EFNB2: variants seen among roughly 807,000 people sequenced by gnomAD.
The protein encoded by EFNB2 is ephrin-B2.
In EFNB2, 5 loss-of-function variants were observed where a neutral mutation model predicts 32.1. The ratio of observed to expected loss-of-function variants is 0.16; its 90% CI spans 0.08 to 0.33. The LOEUF (loss-of-function observed/expected upper bound fraction) is 0.33. Among genes scored for constraint, EFNB2 ranks in the 10% least tolerant of loss-of-function variants. The pLI is 1.00. For missense variants in EFNB2, 263 were observed against 422.6 expected (o/e 0.62, Z 3.31); for synonymous variants, 168 against 166.5 (o/e 1.01, Z -0.07).
In EFNB2 at chr13:106,518,378, T is replaced by C. The variant is rs991013821; in HGVS notation, c.123-5566A>G. ...AGTCATTATGCAACACAATATTCTT[T>C]AATATTAATAGACTAGAACACAGCA... On this transcript the variant is annotated intron_variant, in intron 1 of 4. Coordinates refer to ENST00000646441, the MANE Select transcript of EFNB2 (RefSeq NM_004093.4). This position sits in a 1 kb window ranked among gnomAD's most constrained non-coding sequence, Gnocchi z 4.1. 1 of 152,172 alleles carries C rather than the reference T, an allele frequency of 6.6e-6. No individual in the cohort carries two copies. Among genetic ancestry groups the C allele is most frequent in the African/African-American group, 2.4e-5 (1 of 41,420 alleles). 9.4% of individuals were successfully genotyped at this position (152,172 alleles called of 1,614,324 possible).
At chr13:106,498,175 A>G (rs1878652682) in intron 2 of EFNB2, among the ~76,000 whole-genome samples, 1 of 152,172 alleles carries the variant, frequency 6.6e-6, no homozygotes, top group Non-Finnish European at 1.5e-5. Flanking sequence ...ATGAGATCTG[A>G]AGGGCAGTGC....
intron 1 of EFNB2, among the ~76,000 whole-genome samples, chr13:106,524,864 T>A (rs1439119006): frequency 1.3e-5 from 2 of 152,094 alleles, no homozygotes; most frequent in East Asian, 3.8e-4. Context: ...GACAAAAGAA[T>A]TACAAAGGGT....
At position 106,491,077 on chromosome 13, in the gene EFNB2, G is replaced by A. The variant is rs543749525; in HGVS notation, c.*1963C>T. On this transcript the variant is annotated 3_prime_UTR_variant, in exon 5 of 5. Transcript: ENST00000646441. ...TCTTGTTTCCCAGAAGGGAGGGGGT[G>A]CGGGGGAGGACAGGAGGAGGGAGCC... 1 of 152,748 alleles carries A rather than the reference G, an allele frequency of 6.5e-6. No homozygotes were observed. Among genetic ancestry groups the A allele is most frequent in the Admixed American group, 6.5e-5 (1 of 15,296 alleles). 9.5% of individuals were successfully genotyped at this position (152,748 alleles called of 1,614,324 possible).
At chr13:106,504,130 G>C (rs1001591282) in intron 2 of EFNB2, among the ~76,000 whole-genome samples, 4 of 152,194 alleles carry the variant, frequency 2.6e-5, no homozygotes, top group Non-Finnish European at 4.4e-5. Context: ...TCCTTGCCAA[G>C]ATACGAAAAG....
At position 106,493,207 on chromosome 13, in the gene EFNB2, C is replaced by T. The variant is rs1187894749; in HGVS notation, c.835G>A (p.Gly279Ser). 17 of 1,614,084 alleles carry T rather than the reference C, an allele frequency of 1.1e-5. No individual in the cohort carries two copies. Among genetic ancestry groups the T allele is most frequent in the Admixed American group, 3.3e-5 (2 of 60,006 alleles). The change falls in exon 5 of 5, where the codon GGC (glycine) becomes AGC (serine). Residue 279 changes from glycine to serine, a missense_variant. This residue lies in a region of EFNB2 where 172 missense variants were observed against 237.1 expected (regional missense o/e 0.73). Coordinates refer to ENST00000646441, the MANE Select transcript of EFNB2 (RefSeq NM_004093.4). The surrounding 1 kb of genome is among the most constrained non-coding windows in gnomAD (Gnocchi z 6.1). ...LSTLATPKRS[G>S]NNNGSEPSDI... The stretch of plus-strand genomic sequence containing the variant: ...CTGGGCTCTGAGCCGTTGTTGTTGC[C>T]GCTGCGCTTGGGTGTGGCCAGTGTG...
chr13:106,507,363 G>C (rs1332285822), intron 2 of EFNB2, among the ~76,000 whole-genome samples: 1 of 152,164 alleles, frequency 6.6e-6, no homozygotes, highest in Non-Finnish European at 1.5e-5. Context: ...CTAAAGAACA[G>C]TGCATTCAGT....
chr13:106,529,816 A>G (rs574633369), intron 1 of EFNB2, among the ~76,000 whole-genome samples: 97 of 152,346 alleles, frequency 6.4e-4, no homozygotes, highest in Middle Eastern at 6.8e-3. Flanking sequence ...CCTTTTTACT[A>G]TACTTCAATC....
intron 3 of EFNB2, 37 bp downstream of exon 3, chr13:106,495,711 G>A (rs780147694): frequency 1.3e-6 from 2 of 1,596,498 alleles, no homozygotes; most frequent in Non-Finnish European, 1.7e-6. Context: ...GCTACACCAG[G>A]TCACAGTGGC....
intron 2 of EFNB2, among the ~76,000 whole-genome samples, chr13:106,500,383 G>T (rs1878735341): frequency 6.6e-6 from 1 of 152,108 alleles, no homozygotes; most frequent in Non-Finnish European, 1.5e-5. Flanking sequence ...ACAGAATAAT[G>T]GTATCACAGT....
At chr13:106,504,054 G>A (rs1205161397) in intron 2 of EFNB2, among the ~76,000 whole-genome samples, 1 of 152,170 alleles carries the variant, frequency 6.6e-6, no homozygotes, top group Admixed American at 6.5e-5. Context: ...GTGTTTGAGT[G>A]AATTATTTCC....
At chr13:106,526,506 A>G (rs1026245295) in intron 1 of EFNB2, among the ~76,000 whole-genome samples, 6 of 152,066 alleles carry the variant, frequency 3.9e-5, no homozygotes, top group African/African-American at 1.4e-4. Context: ...TAGGTCATAA[A>G]GAGAGAGAAC....
intron 2 of EFNB2, among the ~76,000 whole-genome samples, chr13:106,501,183 T>A (rs1878765022): frequency 6.6e-6 from 1 of 152,226 alleles, no homozygotes; most frequent in South Asian, 2.1e-4. Flanking sequence ...TCTTTTAAGA[T>A]GCTAACTTAG....
At chr13:106,532,936 C>T (rs758625009) in intron 1 of EFNB2, among the ~76,000 whole-genome samples, 58 of 152,028 alleles carry the variant, frequency 3.8e-4, no homozygotes, top group Non-Finnish European at 7.1e-4. Flanking sequence ...TATTGTTCTA[C>T]TTTTCTTTTT....
At chr13:106,504,374 A>C (rs555121875) in intron 2 of EFNB2, among the ~76,000 whole-genome samples, 2 of 152,342 alleles carry the variant, frequency 1.3e-5, no homozygotes, top group Admixed American at 1.3e-4. Context: ...GAATATAACA[A>C]CACTGCAGAG....
In EFNB2 at chr13:106,535,191, G is replaced by GCGGACTCGGGGTTCCGGGGCGCCGCGC. The variant is rs1880032913; in HGVS notation, c.-254_-228dup. On this transcript the variant is annotated 5_prime_UTR_variant, in exon 1 of 5. Coordinates refer to ENST00000646441, the MANE Select transcript of EFNB2 (RefSeq NM_004093.4). ...CGCACGCGCGGGGCGCGGCGGCGCG[G>GCGGACTCGGGGTTCCGGGGCGCCGCGC]CGGACTCGGGGTTCCGGGGCGCCGC... is the stretch of plus-strand genomic sequence containing the variant. The GCGGACTCGGGGTTCCGGGGCGCCGCGC allele has an allele frequency of 5.3e-6, 1 of 187,268 alleles. No individual in the cohort carries two copies. The highest frequency in any genetic ancestry group is 6.6e-5 in the Admixed American group (1 of 15,048). The allele number at this position is 187,268 out of a possible 1,614,324, so 11.6% of individuals were successfully genotyped here.
intron 1 of EFNB2, among the ~76,000 whole-genome samples, chr13:106,527,949 C>T (rs1218628559): frequency 6.6e-6 from 1 of 152,306 alleles, no homozygotes; most frequent in Middle Eastern, 3.4e-3. Context: ...TAAATATGCA[C>T]CAGTCTGCGT....
intron 2 of EFNB2, among the ~76,000 whole-genome samples, chr13:106,509,072 C>G (rs1831545711): frequency 1.3e-5 from 2 of 152,162 alleles, no homozygotes; most frequent in African/African-American, 4.8e-5. Context: ...CTGGAGGAGA[C>G]CGCCATCATT....
intron 1 of EFNB2, chr13:106,520,347 C>G (rs566618528): frequency 6.6e-6 from 1 of 152,310 alleles, no homozygotes; most frequent in Admixed American, 6.5e-5. Flanking sequence ...GTCTGCAGTT[C>G]TGCTGTAATT....
chr13:106,529,376 G>A (rs2080372604), intron 1 of EFNB2, among the ~76,000 whole-genome samples: 1 of 152,118 alleles, frequency 6.6e-6, no homozygotes, highest in Admixed American at 6.5e-5. Flanking sequence ...AAATCTCCCA[G>A]GCCCTAACAA....
Sources: gnomAD v4.1 joint callset for allele counts (sites outside exome capture counted in the v4.1 genomes callset) on GRCh38, gnomAD v4.1.1 for gene constraint, gnomAD v4.1.1 regional missense constraint, Gnocchi (gnomAD v3.1) non-coding constraint, MANE v1.5 for transcripts, NCBI Gene and HGNC (gene_info 2026-07-23, HGNC 2026-07-21) for gene names.